Variants in DCAF11 observed in about 807,000 individuals in gnomAD.
The protein encoded by DCAF11 is DDB1 and CUL4 associated factor 11.
DCAF11 carries 44 observed loss-of-function variants against 76.1 expected under a neutral mutation model. The ratio of observed to expected loss-of-function variants is 0.58; its 90% confidence interval spans 0.45 to 0.74. DCAF11 has a LOEUF of 0.74. Among genes scored for constraint, DCAF11 ranks in the 30% least tolerant of loss-of-function variants. The probability of loss-of-function intolerance (pLI) is 0.00; values close to 1 mark genes in which losing one functional copy is unlikely to be tolerated. For synonymous variants in DCAF11, 258 were observed against 255.0 expected (o/e 1.01, Z -0.11); for missense variants, 604 against 709.4 (o/e 0.85, Z 1.69).
rs746839095 is a variant in DCAF11, at chr14:24,118,509, C to T, written c.699C>T (p.Phe233=). 2 of 1,614,186 alleles carry T rather than the reference C, an allele frequency of 1.2e-6. No homozygotes were observed. The highest frequency in any genetic ancestry group is 1.7e-5 in the Admixed American group (1 of 60,012). ...CCTTCACCCCTGATGGGAACCACTT[C>T]CTCTACTCTAGCTGGTCTGATTACA... ...DVAFTPDGNH[F]LYSSWSDYIH... is the part of the protein sequence containing the mutation. Residue 233 remains phenylalanine (F), a synonymous_variant, in exon 7 of 15, where the codon TTC becomes TTT. Transcript: ENST00000446197.
chr14:24,117,239 G>A lies in DCAF11; in HGVS notation c.284-27G>A. On this transcript the variant is annotated intron_variant, in intron 3 of 14. Coordinates refer to ENST00000446197, the MANE Select transcript of DCAF11 (RefSeq NM_025230.5). The surrounding 1 kb of genome is among the most constrained non-coding windows in gnomAD (Gnocchi z 4.3). ...TGTCCTCTGAGGCTGGCAGACCTAG[G>A]ATGAAACTTCTCCTTGGTACTCACA... is the stretch of plus-strand genomic sequence containing the variant. 6.2e-7 allele frequency: 1 copy of A among 1,613,866 alleles called. No homozygotes were observed. Among genetic ancestry groups the A allele is most frequent in the Non-Finnish European group, 8.5e-7 (1 of 1,179,840 alleles).
At chr14:24,118,920 G>T in intron 8 of DCAF11, 116 bp downstream of exon 8, 1 of 1,266,736 alleles carries the variant, frequency 7.9e-7, no homozygotes, top group Non-Finnish European at 1.1e-6. Context: ...TGGTGGGTCT[G>T]TGTGCATTCC....
chr14:24,122,398 G>A (rs2037707010), intron 13 of DCAF11, among the ~76,000 whole-genome samples: 1 of 150,646 alleles, frequency 6.6e-6, no homozygotes. Flanking sequence ...GCTGAGGCAG[G>A]AGAATCGCTT....
At position 24,117,121 on chromosome 14, in the gene DCAF11, T is replaced by G; in HGVS notation, c.283+77T>G. Reference sequence around the variant, plus strand: ...GTGATATTTTGAATGATAGGTTACATTGAAAGAAGGTACGATAATTTAAGG... The same window carrying G: ...GTGATATTTTGAATGATAGGTTACAGTGAAAGAAGGTACGATAATTTAAGG... On this transcript the variant is annotated intron_variant, in intron 3 of 14. Coordinates refer to ENST00000446197, the MANE Select transcript of DCAF11 (RefSeq NM_025230.5). The surrounding 1 kb of genome is among the most constrained non-coding windows in gnomAD (Gnocchi z 4.3). The G allele has an allele frequency of 6.2e-7, 1 of 1,611,048 alleles. No homozygotes were observed. The highest frequency in any genetic ancestry group is 8.5e-7 in the Non-Finnish European group (1 of 1,178,098).
chr14:24,123,411 T>C lies in DCAF11; in HGVS notation c.*102T>C. 1 of 1,468,396 alleles carries C rather than the reference T, an allele frequency of 6.8e-7. No individual in the cohort carries two copies. Among genetic ancestry groups the C allele is most frequent in the African/African-American group, 1.4e-5 (1 of 70,804 alleles). The allele number at this position is 1,468,396 out of a possible 1,614,324, so 91.0% of individuals were successfully genotyped here. ...AATGTTTGGAGGAATCACTGGCATTTGATGGGGAATAACATAAGCCTGGGC... is the reference window on the plus strand; with the variant it reads ...AATGTTTGGAGGAATCACTGGCATTCGATGGGGAATAACATAAGCCTGGGC... On this transcript the variant is annotated 3_prime_UTR_variant, in exon 15 of 15. Transcript: ENST00000446197.
At position 24,118,439 on chromosome 14, in the gene DCAF11, A is replaced by G; in HGVS notation, c.629A>G (p.Lys210Arg). Residue 210 changes from lysine (K) to arginine (R), a missense_variant, in exon 7 of 15, where the codon AAG becomes AGG. Lys to Arg is a conservative substitution (Grantham distance 26). Transcript: ENST00000446197. Reference protein sequence around the residue: ...DCRYGRFRKFKSIKARDVGWS... With the variant: ...DCRYGRFRKFRSIKARDVGWS... ...CGATATGGCCGTTTCCGTAAATTCA[A>G]GAGCATCAAGGCCCGCGACGTAGGC... The G allele has an allele frequency of 4.3e-6, 7 of 1,614,244 alleles. No homozygotes were observed. The highest frequency in any genetic ancestry group is 5.9e-6 in the Non-Finnish European group (7 of 1,180,052).
intron 13 of DCAF11, 64 bp from the exon 14 acceptor site, chr14:24,122,907 G>A: frequency 3.4e-6 from 5 of 1,461,278 alleles, no homozygotes; most frequent in Non-Finnish European, 4.7e-6. Context: ...CTACTCATGG[G>A]GAGGTGAGGG....
chr14:24,114,813 A>T lies in DCAF11; in HGVS notation c.-694A>T, dbSNP rs1792021801. The T allele has an allele frequency of 1.0e-6, 1 of 985,934 alleles. No homozygotes were observed. Among genetic ancestry groups the T allele is most frequent in the Non-Finnish European group, 1.2e-6 (1 of 829,948 alleles). 61.1% of individuals were successfully genotyped at this position (985,934 alleles called of 1,614,324 possible). A position where few individuals can be genotyped will look rare whatever the true frequency, so the allele number is the denominator to read the frequency against. On this transcript the variant is annotated 5_prime_UTR_variant, in exon 1 of 15. Coordinates refer to ENST00000446197, the MANE Select transcript of DCAF11 (RefSeq NM_025230.5). ...GCAGCCCGCCGGCCAGGAAGCCGCG[A>T]GATGCGTGACGAGCGAAGCGCGTGA...
chr14:24,119,390 A>C, intron 9 of DCAF11, 169 bp from the exon 10 acceptor site: 1 of 1,176,542 alleles, frequency 8.5e-7, no homozygotes, highest in Non-Finnish European at 1.2e-6. Flanking sequence ...ACGAGATTGG[A>C]GGTGTCAAGC....
intron 13 of DCAF11, among the ~76,000 whole-genome samples, chr14:24,122,452 G>A (rs1327313587): frequency 1.3e-5 from 2 of 148,754 alleles, no homozygotes; most frequent in Non-Finnish European, 3.0e-5. Flanking sequence ...ATCGCGCCAC[G>A]GCACTCTAGC....
rs1406563432 is a variant in DCAF11, at chr14:24,114,986, T to TC, written c.-516dup. 2 of 985,678 alleles carry TC rather than the reference T, an allele frequency of 2.0e-6. No homozygotes were observed. The highest frequency in any genetic ancestry group is 2.4e-6 in the Non-Finnish European group (2 of 829,938). The allele number at this position is 985,678 out of a possible 1,614,324, so 61.1% of individuals were successfully genotyped here. A position where few individuals can be genotyped will look rare whatever the true frequency, so the allele number is the denominator to read the frequency against. On this transcript the variant is annotated 5_prime_UTR_variant, in exon 1 of 15. Transcript: ENST00000446197. ...CAGTGGGAGGTGCTTCTCGGCTTCC[T>TC]CCCCCTCATGGCGTACACACCCCCG...
In DCAF11 at chr14:24,124,412, C is replaced by T. The variant is rs1466252861; in HGVS notation, c.*1103C>T. On this transcript the variant is annotated 3_prime_UTR_variant, in exon 15 of 15. Transcript: ENST00000446197. ...CCTGACGCCAGGCCCCAGTGGGCGCCTCACACTCAGAACCTCATACCCCAG... is the reference window on the plus strand; with the variant it reads ...CCTGACGCCAGGCCCCAGTGGGCGCTTCACACTCAGAACCTCATACCCCAG... 1 of 152,280 alleles carries T rather than the reference C, an allele frequency of 6.6e-6. No individual in the cohort carries two copies. Among genetic ancestry groups the T allele is most frequent in the Non-Finnish European group, 1.5e-5 (1 of 68,076 alleles). The allele number at this position is 152,280 out of a possible 1,614,324, so 9.4% of individuals were successfully genotyped here.
chr14:24,115,498 G>C lies in DCAF11; in HGVS notation c.-97G>C. 6.7e-7 allele frequency: 1 copy of C among 1,498,180 alleles called. No individual in the cohort carries two copies. The highest frequency in any genetic ancestry group is 1.4e-5 in the South Asian group (1 of 72,808). 92.8% of individuals were successfully genotyped at this position (1,498,180 alleles called of 1,614,324 possible). On this transcript the variant is annotated 5_prime_UTR_variant, in exon 2 of 15. Coordinates refer to ENST00000446197, the MANE Select transcript of DCAF11 (RefSeq NM_025230.5). ...AGATAGCTACTACCCCGTCTCAGGA[G>C]ACCCTGGTATTTCTAGAGCACGCTT...
At chr14:24,119,339 AT>A in intron 9 of DCAF11, 126 bp downstream of exon 9, 1 of 1,358,336 alleles carries the variant, frequency 7.4e-7, no homozygotes. Flanking sequence ...CAAGGTCAGG[AT>A]TTACAAGTTG....
intron 9 of DCAF11, 87 bp downstream of exon 9, chr14:24,119,300 C>T: frequency 6.5e-7 from 1 of 1,532,838 alleles, no homozygotes; most frequent in African/African-American, 1.4e-5. Flanking sequence ...ATGGCACTGG[C>T]AGCTGCAGAG....
chr14:24,116,985 C>G lies in DCAF11; in HGVS notation c.224C>G (p.Ser75Ter). The change falls in exon 3 of 15, where the codon TCA becomes TGA. Residue 75 changes from serine to a stop codon, truncating the protein, a stop_gained. Coordinates refer to ENST00000446197, the MANE Select transcript of DCAF11 (RefSeq NM_025230.5). LOFTEE classifies it high-confidence loss of function. ...NLQFIQALLD[S>*]EEENDRAWDG... ...CAATTCATTCAGGCCCTCTTGGACT[C>G]AGAGGAAGAGAATGACAGAGCTTGG... The G allele has an allele frequency of 6.2e-7, 1 of 1,614,136 alleles. No homozygotes were observed. The highest frequency in any genetic ancestry group is 1.1e-5 in the South Asian group (1 of 91,078).
In DCAF11 at chr14:24,115,119, A is replaced by G; in HGVS notation, c.-388A>G. 1.5e-6 allele frequency: 1 copy of G among 666,578 alleles called. No individual in the cohort carries two copies. Among genetic ancestry groups the G allele is most frequent in the Non-Finnish European group, 1.9e-6 (1 of 538,068 alleles). 41.3% of individuals were successfully genotyped at this position (666,578 alleles called of 1,614,324 possible). ...TGTAAGGGGGCGCTCTGATTGGTCG[A>G]TAAGGTGGGGGCGTCGAGGGTCTTT... On this transcript the variant is annotated 5_prime_UTR_variant, in exon 1 of 15. Coordinates refer to ENST00000446197, the MANE Select transcript of DCAF11 (RefSeq NM_025230.5).
chr14:24,123,519 TC>T lies in DCAF11; in HGVS notation c.*213del. On this transcript the variant is annotated 3_prime_UTR_variant, in exon 15 of 15. Transcript: ENST00000446197. ...CGTGCTCACACCCAGTCAGCTTGGGTCCCTATCTCTGGCCAGAGTTTGGCAG... is the reference window on the plus strand; with the variant it reads ...CGTGCTCACACCCAGTCAGCTTGGGTCCTATCTCTGGCCAGAGTTTGGCAG... The T allele has an allele frequency of 1.5e-6, 1 of 687,548 alleles. No homozygotes were observed. The highest frequency in any genetic ancestry group is 5.2e-5 in the South Asian group (1 of 19,414). 42.6% of individuals were successfully genotyped at this position (687,548 alleles called of 1,614,324 possible).
chr14:24,116,218 C>T (rs1241976310), intron 2 of DCAF11, among the ~76,000 whole-genome samples: 1 of 152,160 alleles, frequency 6.6e-6, no homozygotes, highest in Non-Finnish European at 1.5e-5. Flanking sequence ...GGAAAGAATG[C>T]CTTGAAGGGA....
Sources: gnomAD v4.1 joint callset for allele counts (sites outside exome capture counted in the v4.1 genomes callset) on GRCh38, gnomAD v4.1.1 for gene constraint, Gnocchi (gnomAD v3.1) non-coding constraint, MANE v1.5 for transcripts, NCBI Gene and HGNC (gene_info 2026-07-23, HGNC 2026-07-21) for gene names.